The following FBXO42 variants were observed in gnomAD, a reference collection of about 807,000 sequenced individuals.
FBXO42 encodes the protein F-box protein 42, also known as F-box only protein 42.
In FBXO42, 12 loss-of-function variants were observed where a neutral mutation model predicts 71.7. That is an observed-to-expected ratio of 0.17 (90% CI 0.11 to 0.27). The LOEUF (loss-of-function observed/expected upper bound fraction) is 0.27, where lower values mean the gene tolerates loss of function less well. Among genes scored for constraint, FBXO42 ranks in the 10% least tolerant of loss-of-function variants. The pLI is 1.00. For missense variants in FBXO42, 707 were observed against 911.9 expected (o/e 0.78, Z 2.89); for synonymous variants, 325 against 327.5 (o/e 0.99, Z 0.08).
chr1:16,263,943 T>C (rs2081745019), intron 4 of FBXO42, among the ~76,000 whole-genome samples: 1 of 151,230 alleles, frequency 6.6e-6, no homozygotes, highest in Non-Finnish European at 1.5e-5. Context: ...CCCGAGTAGC[T>C]GGGATTAGAG....
chr1:16,264,376 T>A (rs941961971), intron 4 of FBXO42, among the ~76,000 whole-genome samples: 1 of 152,198 alleles, frequency 6.6e-6, no homozygotes, highest in Non-Finnish European at 1.5e-5. Flanking sequence ...ATGAAATAAA[T>A]ACTGCTCCTG....
intron 1 of FBXO42, among the ~76,000 whole-genome samples, chr1:16,347,693 A>G (rs2082663875): frequency 6.6e-6 from 1 of 152,166 alleles, no homozygotes; most frequent in African/African-American, 2.4e-5. Context: ...CATCTTTACT[A>G]AAAATACAAA....
At chr1:16,347,623 G>A (rs2082663413) in intron 1 of FBXO42, among the ~76,000 whole-genome samples, 1 of 152,202 alleles carries the variant, frequency 6.6e-6, no homozygotes, top group Non-Finnish European at 1.5e-5. Flanking sequence ...GGGAGGCCAA[G>A]GCCAGCGGAT....
intron 4 of FBXO42, among the ~76,000 whole-genome samples, chr1:16,266,766 T>C (rs1039743362): frequency 3.9e-5 from 6 of 152,180 alleles, no homozygotes; most frequent in Admixed American, 3.9e-4. Flanking sequence ...TTGTGTGAAG[T>C]GACTGACCTC....
At chr1:16,264,281 T>C (rs536547595) in intron 4 of FBXO42, among the ~76,000 whole-genome samples, 52 of 152,194 alleles carry the variant, frequency 3.4e-4, no homozygotes, top group South Asian at 6.2e-4. Context: ...CCTGAGTAAC[T>C]GGAAATCTTG....
In FBXO42 at chr1:16,251,184, A is replaced by G. The variant is rs534623223; in HGVS notation, c.1640T>C (p.Leu547Pro). 1 of 1,614,134 alleles carries G rather than the reference A, an allele frequency of 6.2e-7. No individual in the cohort carries two copies. Among genetic ancestry groups the G allele is most frequent in the African/African-American group, 1.3e-5 (1 of 75,048 alleles). The stretch of plus-strand genomic sequence containing the variant: ...GGCACCTGGGGAGACGGCCCCTGCA[A>G]GGGCACTGGCCACGTGAGGTGGGGT... ...VHTPPHVASA[L>P]AGAVSPGALR... Residue 547 changes from leucine (L) to proline (P), a missense_variant, in exon 10 of 10, where the codon CTT becomes CCT. Around this residue, in one of 5 missense-constraint regions of FBXO42, gnomAD observed 482 missense variants for 587.1 expected, o/e 0.82. Transcript: ENST00000375592. This position sits in a 1 kb window ranked among gnomAD's most constrained non-coding sequence, Gnocchi z 4.5.
Position 16,350,711 on chromosome 1 carries a change from C to T in FBXO42, c.-18+1544G>A, listed in dbSNP as rs565143665. Among the ~76,000 whole-genome samples, 4 of 115,800 alleles carry T rather than the reference C, an allele frequency of 3.5e-5. No homozygotes were observed. In the South Asian group the frequency reaches 1.1e-3, roughly 31 times the overall value. The allele number at this position is 115,800 out of a possible 152,430, so 76.0% of individuals were successfully genotyped here. On this transcript the variant is annotated intron_variant, in intron 1 of 9. Coordinates refer to ENST00000375592, the MANE Select transcript of FBXO42 (RefSeq NM_018994.3). ...GCAGAGAGCCGAGACTGTGCTACTG[C>T]ACTCCAGCCTGGATGACAGAGTGAG...
At chr1:16,343,987 T>C (rs1447240618) in intron 1 of FBXO42, among the ~76,000 whole-genome samples, 1 of 149,032 alleles carries the variant, frequency 6.7e-6, no homozygotes, top group Non-Finnish European at 1.5e-5. Flanking sequence ...AAAAGAAAAC[T>C]GCAAAGGGAT....
intron 1 of FBXO42, among the ~76,000 whole-genome samples, chr1:16,339,048 G>C (rs1482413165): frequency 2.0e-5 from 3 of 151,818 alleles, no homozygotes; most frequent in Non-Finnish European, 4.4e-5. Flanking sequence ...AACCTCAAGC[G>C]ATCCACCCAT....
At position 16,249,040 on chromosome 1, in the gene FBXO42, G is replaced by C. The variant is rs1321238454; in HGVS notation, c.*1630C>G. On this transcript the variant is annotated 3_prime_UTR_variant, in exon 10 of 10. Transcript: ENST00000375592. The stretch of plus-strand genomic sequence containing the variant: ...GCCAGCTGCAGCAGGCTTTGTGCCT[G>C]AGAAACGCTAATAATAAAAAGAGGA... 4 of 152,270 alleles carry C rather than the reference G, an allele frequency of 2.6e-5. No homozygotes were observed. The highest frequency in any genetic ancestry group is 9.6e-5 in the African/African-American group (4 of 41,476). The allele number at this position is 152,270 out of a possible 1,614,324, so 9.4% of individuals were successfully genotyped here. A position where few individuals can be genotyped will look rare whatever the true frequency, so the allele number is the denominator to read the frequency against.
At chr1:16,344,263 G>A (rs1197481972) in intron 1 of FBXO42, among the ~76,000 whole-genome samples, 1 of 151,512 alleles carries the variant, frequency 6.6e-6, no homozygotes, top group Admixed American at 6.6e-5. Context: ...CTCCCAAAGT[G>A]CTGGGATTAC....
At chr1:16,311,187 A>T (rs1314790758) in intron 2 of FBXO42, among the ~76,000 whole-genome samples, 2 of 149,462 alleles carry the variant, frequency 1.3e-5, no homozygotes, top group Non-Finnish European at 3.0e-5. Context: ...CAAAAAAAAA[A>T]AAAGGGGGTC....
chr1:16,250,526 C>A lies in FBXO42; in HGVS notation c.*144G>T, dbSNP rs1252336608. On this transcript the variant is annotated 3_prime_UTR_variant, in exon 10 of 10. Coordinates refer to ENST00000375592, the MANE Select transcript of FBXO42 (RefSeq NM_018994.3). The surrounding 1 kb of genome is among the most constrained non-coding windows in gnomAD (Gnocchi z 4.7). ...TTTTTTTTCTTAATGGAGATTTGAT[C>A]CCAGCCTGGAGTGACTTCGGTTGGG... 2 of 594,708 alleles carry A rather than the reference C, an allele frequency of 3.4e-6. No individual in the cohort carries two copies. Among genetic ancestry groups the A allele is most frequent in the African/African-American group, 3.8e-5 (2 of 51,970 alleles). 36.8% of individuals were successfully genotyped at this position (594,708 alleles called of 1,614,324 possible).
intron 1 of FBXO42, among the ~76,000 whole-genome samples, chr1:16,318,568 C>G (rs1401472146): frequency 1.3e-5 from 2 of 152,272 alleles, no homozygotes; most frequent in African/African-American, 4.8e-5. Flanking sequence ...GCAGGCATCT[C>G]ATTTATACTC....
In FBXO42 at chr1:16,252,995, C is replaced by A; in HGVS notation, c.921+101G>T. On this transcript the variant is annotated intron_variant, in intron 8 of 9. Coordinates refer to ENST00000375592, the MANE Select transcript of FBXO42 (RefSeq NM_018994.3). The surrounding 1 kb of genome is among the most constrained non-coding windows in gnomAD (Gnocchi z 4.4). ...AAAAGCATTCCTTAAATTAAAATGC[C>A]ATGGAAATAGTCTTGTATACTCCTA... is the stretch of plus-strand genomic sequence containing the variant. The A allele has an allele frequency of 1.0e-6, 1 of 982,790 alleles. No homozygotes were observed. The highest frequency in any genetic ancestry group is 1.7e-5 in the South Asian group (1 of 57,444). The allele number at this position is 982,790 out of a possible 1,614,324, so 60.9% of individuals were successfully genotyped here.
intron 7 of FBXO42, 77 bp from the exon 8 acceptor site, chr1:16,253,229 G>A: frequency 7.7e-7 from 1 of 1,296,374 alleles, no homozygotes. Context: ...TGGTATATGA[G>A]AATAGCCTAC....
intron 4 of FBXO42, among the ~76,000 whole-genome samples, chr1:16,272,727 TG>T (rs1018313475): frequency 6.6e-6 from 1 of 152,224 alleles, no homozygotes; most frequent in African/African-American, 2.4e-5. Context: ...TAGGATACTT[TG>T]GGTAAAAGGA....
intron 1 of FBXO42, among the ~76,000 whole-genome samples, chr1:16,319,685 G>C (rs1052294801): frequency 6.6e-6 from 1 of 152,152 alleles, no homozygotes; most frequent in Non-Finnish European, 1.5e-5. Flanking sequence ...AGCTTAGGCA[G>C]GCGGATCACG....
intron 4 of FBXO42, among the ~76,000 whole-genome samples, chr1:16,271,387 T>C (rs1358686464): frequency 2.6e-5 from 4 of 151,592 alleles, no homozygotes; most frequent in African/African-American, 4.9e-5. Flanking sequence ...TTCAAGCCAC[T>C]CTCCTGCCTC....
Sources: allele counts gnomAD v4.1 joint callset (sites outside exome capture counted in the v4.1 genomes callset), GRCh38; gene constraint gnomAD v4.1.1; regional missense constraint gnomAD v4.1.1; non-coding constraint Gnocchi (gnomAD v3.1); transcripts MANE v1.5; gene names NCBI Gene and HGNC (gene_info 2026-07-23, HGNC 2026-07-21).